WDFY3: variants seen among roughly 807,000 people sequenced by gnomAD.
WDFY3 encodes WD repeat and FYVE domain-containing protein 3.
In WDFY3, 66 loss-of-function variants were observed where a neutral mutation model predicts 409.6. The ratio of observed to expected loss-of-function variants is 0.16; its 90% CI spans 0.13 to 0.20. The LOEUF is 0.20. Among genes scored for constraint, WDFY3 ranks in the 10% least tolerant of loss-of-function variants. The pLI is 1.00. For missense variants in WDFY3, 3,031 were observed against 4,298.1 expected, an observed-to-expected ratio of 0.71 and a Z score of 8.24; for synonymous variants, 1,521 against 1,537.1, an observed-to-expected ratio of 0.99 and a Z score of 0.25.
At position 84,817,543 on chromosome 4, in the gene WDFY3, A is replaced by G; in HGVS notation, c.1736T>C (p.Ile579Thr). Residue 579 changes from isoleucine (I) to threonine (T), a missense_variant, in exon 13 of 68, where the codon ATA (isoleucine) becomes ACA (threonine). Coordinates refer to ENST00000295888, the MANE Select transcript of WDFY3 (RefSeq NM_014991.6). ...EFGGARCAHN[I>T]VKYPQCRQHA... ...CTGCCGGCATTGAGGGTACTTTACT[A>G]TATTATGTGCACATCTTGCACCTCC... is the stretch of plus-strand genomic sequence containing the variant. 2 of 1,613,610 alleles carry G rather than the reference A, an allele frequency of 1.2e-6. No individual in the cohort carries two copies. Among genetic ancestry groups the G allele is most frequent in the Non-Finnish European group, 1.7e-6 (2 of 1,179,716 alleles).
chr4:84,805,012 C>A (rs1222194488), intron 15 of WDFY3, among the ~76,000 whole-genome samples: 1 of 152,058 alleles, frequency 6.6e-6, no homozygotes, highest in African/African-American at 2.4e-5. Context: ...TTTTAAGCAC[C>A]CACATGACGC....
At chr4:84,940,048 C>A (rs1396716693) in intron 1 of WDFY3, among the ~76,000 whole-genome samples, 1 of 152,020 alleles carries the variant, frequency 6.6e-6, no homozygotes, top group Non-Finnish European at 1.5e-5. Context: ...TCCAATCCAC[C>A]TGCACAGAAT....
At chr4:84,958,580 A>G (rs967970429) in intron 1 of WDFY3, among the ~76,000 whole-genome samples, 6 of 152,166 alleles carry the variant, frequency 3.9e-5, no homozygotes, top group African/African-American at 1.4e-4. Flanking sequence ...GTAGAAAGAA[A>G]GGCTCAGAGG....
At chr4:84,763,483 C>T (rs1241361094) in intron 32 of WDFY3, among the ~76,000 whole-genome samples, 2 of 151,704 alleles carry the variant, frequency 1.3e-5, no homozygotes, top group Non-Finnish European at 2.9e-5. Flanking sequence ...ACCACCATGG[C>T]ACATGTATAC....
rs568302967 is a variant in WDFY3, at chr4:84,795,718, C to T, written c.3168-739G>A. Among the ~76,000 whole-genome samples, 13 of 151,772 alleles carry T rather than the reference C, an allele frequency of 8.6e-5. No homozygotes were observed. In the East Asian group the frequency reaches 9.7e-4, roughly 11 times the overall value. On this transcript the variant is annotated intron_variant, in intron 19 of 67. Transcript: ENST00000295888. ...CGGAGGTTGCAGTGAGCCAAGATCG[C>T]GCCATTGCACTCCAGCCTGGGTGAC... is the stretch of plus-strand genomic sequence containing the variant.
At position 84,780,269 on chromosome 4, in the gene WDFY3, C is replaced by G; in HGVS notation, c.4204G>C (p.Ala1402Pro). 6.2e-7 allele frequency: 1 copy of G among 1,612,770 alleles called. No homozygotes were observed. The highest frequency in any genetic ancestry group is 8.5e-7 in the Non-Finnish European group (1 of 1,179,578). ...CCACCAACGTACTGCAAAGTAGTGGCAACAGGCTTAGGGACAAATGTTCTT... is the reference window on the plus strand; with the variant it reads ...CCACCAACGTACTGCAAAGTAGTGGGAACAGGCTTAGGGACAAATGTTCTT... ...GVRTFVPKPVATTLQYVGGAA... is the reference protein window; with the variant it reads ...GVRTFVPKPVPTTLQYVGGAA... Residue 1402 changes from alanine to proline, a missense_variant, in exon 26 of 68, where the codon GCC becomes CCC. Physicochemically the swap from Ala to Pro is conservative, Grantham distance 27. Around this residue, in one of 16 missense-constraint regions of WDFY3, gnomAD observed 1,322 missense variants for 1,697.9 expected, o/e 0.78. Coordinates refer to ENST00000295888, the MANE Select transcript of WDFY3 (RefSeq NM_014991.6).
chr4:84,685,099 A>G (rs1398815626), intron 62 of WDFY3, among the ~76,000 whole-genome samples: 7 of 152,216 alleles, frequency 4.6e-5, no homozygotes, highest in Admixed American at 4.6e-4. Context: ...CATTCCTAAG[A>G]TAGTCTGTTT....
intron 13 of WDFY3, among the ~76,000 whole-genome samples, chr4:84,816,357 C>T (rs565588425): frequency 6.6e-6 from 1 of 152,202 alleles, no homozygotes; most frequent in South Asian, 2.1e-4. Context: ...TACAAAGAGA[C>T]TACATGGGTT....
intron 24 of WDFY3, among the ~76,000 whole-genome samples, chr4:84,784,032 T>C (rs941887822): frequency 2.6e-5 from 4 of 152,138 alleles, no homozygotes; most frequent in African/African-American, 9.7e-5. Context: ...CTAAACCCCA[T>C]AGTCAGTCCT....
intron 4 of WDFY3, among the ~76,000 whole-genome samples, chr4:84,859,784 A>G (rs1468541057): frequency 6.6e-6 from 1 of 151,984 alleles, no homozygotes; most frequent in African/African-American, 2.4e-5. Context: ...CATGTTGGCC[A>G]GGCTTGTCTC....
At chr4:84,798,202 C>G in intron 17 of WDFY3, 94 bp from the exon 18 acceptor site, 1 of 1,086,526 alleles carries the variant, frequency 9.2e-7, no homozygotes, top group South Asian at 1.6e-5. Flanking sequence ...TAAATTCCAA[C>G]AGACTAATTA....
intron 37 of WDFY3, among the ~76,000 whole-genome samples, chr4:84,742,149 TCTC>T (rs1738546978): frequency 6.6e-6 from 1 of 152,012 alleles, no homozygotes; most frequent in African/African-American, 2.4e-5. Flanking sequence ...ACCTGTGGAG[TCTC>T]CTATTGCCTA....
intron 36 of WDFY3, among the ~76,000 whole-genome samples, chr4:84,748,901 A>G (rs1320297960): frequency 6.8e-6 from 1 of 147,428 alleles, no homozygotes; most frequent in Non-Finnish European, 1.5e-5. Context: ...TTTTTTTTTG[A>G]GACAGGGTCT....
chr4:84,940,521 T>C (rs1423779939), intron 1 of WDFY3, among the ~76,000 whole-genome samples: 1 of 152,088 alleles, frequency 6.6e-6, no homozygotes, highest in Non-Finnish European at 1.5e-5. Context: ...CTGGCCCCAT[T>C]ACCTCTCACT....
rs781440189 is a variant in WDFY3, at chr4:84,850,926, C to CTTTTTTTTTTTTTTTTTTTTTTTTTT, written c.181-902_181-901insAAAAAAAAAAAAAAAAAAAAAAAAAA. 1.1e-3 allele frequency among the ~76,000 whole-genome samples: 34 copies of CTTTTTTTTTTTTTTTTTTTTTTTTTT among 32,154 alleles called. 4 individuals are homozygous for CTTTTTTTTTTTTTTTTTTTTTTTTTT. The highest frequency in any genetic ancestry group is 1.4e-3 in the South Asian group (1 of 722). 21.1% of individuals were successfully genotyped at this position (32,154 alleles called of 152,430 possible). On this transcript the variant is annotated intron_variant, in intron 4 of 67. Coordinates refer to ENST00000295888, the MANE Select transcript of WDFY3 (RefSeq NM_014991.6). Reference sequence around the variant, plus strand: ...AATTCTTATTTTTAATTTTATTTATCTGTTTTTTTTTTTTTTTTTTTTTTT... The same window carrying CTTTTTTTTTTTTTTTTTTTTTTTTTT: ...AATTCTTATTTTTAATTTTATTTATCTTTTTTTTTTTTTTTTTTTTTTTTTTTGTTTTTTTTTTTTTTTTTTTTTTT...
chr4:84,904,793 A>G (rs1766808679), intron 2 of WDFY3, among the ~76,000 whole-genome samples: 1 of 152,174 alleles, frequency 6.6e-6, no homozygotes, highest in Non-Finnish European at 1.5e-5. Context: ...GAGCTTCAAG[A>G]TTGTTTAATT....
intron 3 of WDFY3, among the ~76,000 whole-genome samples, chr4:84,861,464 T>A (rs912080379): frequency 1.3e-5 from 2 of 152,170 alleles, no homozygotes; most frequent in Non-Finnish European, 2.9e-5. Context: ...GATTAAAATA[T>A]GCAAATTGAA....
At chr4:84,883,954 A>G (rs1044216289) in intron 3 of WDFY3, among the ~76,000 whole-genome samples, 23 of 152,168 alleles carry the variant, frequency 1.5e-4, no homozygotes, top group Admixed American at 9.2e-4. Context: ...AATAAAATAT[A>G]TATGTATGTT....
At chr4:84,873,266 C>A (rs1232042666) in intron 3 of WDFY3, among the ~76,000 whole-genome samples, 1 of 152,164 alleles carries the variant, frequency 6.6e-6, no homozygotes, top group Non-Finnish European at 1.5e-5. Flanking sequence ...CCAAGACAGA[C>A]CACACTCTGT....
Sources: gnomAD v4.1 joint callset for allele counts (sites outside exome capture counted in the v4.1 genomes callset) on GRCh38, gnomAD v4.1.1 for gene constraint, gnomAD v4.1.1 regional missense constraint, MANE v1.5 for transcripts, NCBI Gene and HGNC (gene_info 2026-07-23, HGNC 2026-07-21) for gene names.